MARK1: variants seen among roughly 807,000 people sequenced by gnomAD.
MARK1 encodes microtubule affinity regulating kinase 1.
Under a neutral mutation model 96.3 loss-of-function variants are expected in MARK1, and 40 were observed. That is an observed-to-expected ratio of 0.42 (90% CI 0.32 to 0.54). The LOEUF (loss-of-function observed/expected upper bound fraction) is 0.54, where lower values mean the gene tolerates loss of function less well. Among genes scored for constraint, MARK1 ranks in the 20% least tolerant of loss-of-function variants. The pLI is 0.16. For synonymous variants in MARK1, 317 were observed against 341.2 expected (o/e 0.93, Z 0.78); for missense variants, 719 against 984.6 (o/e 0.73, Z 3.61).
rs557310476 is a variant in MARK1 at position 220,626,020 on chromosome 1, G to A, written c.910-5015G>A. On this transcript the variant is annotated intron_variant, in intron 9 of 17. Coordinates refer to ENST00000366917, the MANE Select transcript of MARK1 (RefSeq NM_018650.5). ...CACAGCAAGCAGATGCAGATTCAAC[G>A]TCAGCAAGGACTGTCCAGTATTCAA... The A allele has an allele frequency of 2.7e-5, 15 of 552,100 alleles. 1 individual carries two copies. The highest frequency in any genetic ancestry group is 1.8e-4 in the South Asian group (12 of 66,058). The allele number at this position is 552,100 out of a possible 1,614,324, so 34.2% of individuals were successfully genotyped here.
At chr1:220,545,239 C>T (rs1327111041) in intron 1 of MARK1, among the ~76,000 whole-genome samples, 2 of 152,118 alleles carry the variant, frequency 1.3e-5, no homozygotes, top group Non-Finnish European at 2.9e-5. Context: ...CTGAAGAGGG[C>T]AGCATTTAGT....
At chr1:220,580,377 TTGAGG>T (rs1664152296) in intron 2 of MARK1, among the ~76,000 whole-genome samples, 1 of 151,842 alleles carries the variant, frequency 6.6e-6, no homozygotes, top group South Asian at 2.1e-4. Flanking sequence ...ACTTGGGAGC[TTGAGG>T]TGAGGATTAC....
chr1:220,622,359 G>A (rs931321294), intron 9 of MARK1, among the ~76,000 whole-genome samples: 1 of 151,958 alleles, frequency 6.6e-6, no homozygotes, highest in Admixed American at 6.6e-5. Context: ...TGTCGTCATT[G>A]GTCCTCCCAT....
intron 13 of MARK1, among the ~76,000 whole-genome samples, chr1:220,637,765 A>G (rs1668046028): frequency 6.6e-6 from 1 of 152,106 alleles, no homozygotes. Context: ...GAACAATGTA[A>G]GAACAAAGAA....
intron 17 of MARK1, among the ~76,000 whole-genome samples, 155 bp from the exon 18 acceptor site, chr1:220,661,657 A>T (rs1669488891): frequency 6.6e-6 from 1 of 152,216 alleles, no homozygotes; most frequent in Non-Finnish European, 1.5e-5. Context: ...TAACAGCAAG[A>T]TAACATAAAT....
At chr1:220,534,891 A>G (rs906620018) in intron 1 of MARK1, among the ~76,000 whole-genome samples, 4 of 152,048 alleles carry the variant, frequency 2.6e-5, no homozygotes, top group Admixed American at 1.3e-4. Flanking sequence ...ATTCCATTGT[A>G]TTATGTACCT....
At chr1:220,620,268 C>T (rs943127390) in intron 9 of MARK1, among the ~76,000 whole-genome samples, 17 of 152,080 alleles carry the variant, frequency 1.1e-4, no homozygotes, top group Non-Finnish European at 5.9e-5. Flanking sequence ...ATAATGCCCA[C>T]TTTTATATCA....
chr1:220,607,799 G>T (rs887381201), intron 6 of MARK1, among the ~76,000 whole-genome samples: 1 of 152,160 alleles, frequency 6.6e-6, no homozygotes, highest in East Asian at 1.9e-4. Flanking sequence ...GGCCTTTTCT[G>T]CATCTATTGA....
At chr1:220,560,489 C>T (rs1462070726) in intron 1 of MARK1, among the ~76,000 whole-genome samples, 1 of 152,154 alleles carries the variant, frequency 6.6e-6, no homozygotes, top group Non-Finnish European at 1.5e-5. Context: ...CTTTGGCATA[C>T]CTTAATTGCC....
chr1:220,572,806 C>A (rs1663565561), intron 1 of MARK1, among the ~76,000 whole-genome samples: 1 of 152,086 alleles, frequency 6.6e-6, no homozygotes, highest in South Asian at 2.1e-4. Context: ...TTGTTACTTT[C>A]ATTTCTTTAG....
intron 1 of MARK1, among the ~76,000 whole-genome samples, chr1:220,541,836 CA>C (rs1222880172): frequency 1.3e-5 from 2 of 152,170 alleles, no homozygotes; most frequent in African/African-American, 4.8e-5. Flanking sequence ...TTAATCCATT[CA>C]ACAATTCTGT....
intron 1 of MARK1, among the ~76,000 whole-genome samples, chr1:220,551,950 C>G (rs1661894154): frequency 6.6e-6 from 1 of 152,172 alleles, no homozygotes; most frequent in Non-Finnish European, 1.5e-5. Context: ...CATCAGAAGT[C>G]TTGCCTGCAC....
rs1040606372 is a variant in MARK1, at chr1:220,632,323, T to C, written c.1122+10T>C. The C allele has an allele frequency of 1.6e-6, 2 of 1,243,894 alleles. No homozygotes were observed. Among genetic ancestry groups the C allele is most frequent in the Non-Finnish European group, 2.3e-6 (2 of 883,194 alleles). 77.1% of individuals were successfully genotyped at this position (1,243,894 alleles called of 1,614,324 possible). A position where few individuals can be genotyped will look rare whatever the true frequency, so the allele number is the denominator to read the frequency against. ...TAGAAAACCACCTGAAGTAAGTTTT[T>C]CACCTTTTCAGATTACTGTGAATTA... On this transcript the variant is annotated intron_variant, in intron 11 of 17. Coordinates refer to ENST00000366917, the MANE Select transcript of MARK1 (RefSeq NM_018650.5).
intron 6 of MARK1, among the ~76,000 whole-genome samples, chr1:220,612,882 C>T (rs1399094993): frequency 6.6e-6 from 1 of 151,926 alleles, no homozygotes; most frequent in African/African-American, 2.4e-5. Context: ...AGCCATTGCC[C>T]ATACAATGCT....
At chr1:220,561,100 A>G (rs1471377568) in intron 1 of MARK1, among the ~76,000 whole-genome samples, 1 of 147,000 alleles carries the variant, frequency 6.8e-6, no homozygotes, top group Non-Finnish European at 1.5e-5. Flanking sequence ...ACCCTGACAT[A>G]TAACCTGAGT....
At chr1:220,639,599 A>G (rs1028654611) in intron 13 of MARK1, among the ~76,000 whole-genome samples, 61 of 152,164 alleles carry the variant, frequency 4.0e-4, no homozygotes, top group Admixed American at 2.4e-3. Context: ...GTCTGGGTCT[A>G]TGTGACTTCT....
chr1:220,649,611 T>G (rs973874313), intron 13 of MARK1, among the ~76,000 whole-genome samples: 6 of 152,196 alleles, frequency 3.9e-5, no homozygotes, highest in African/African-American at 1.4e-4. Flanking sequence ...AGCATATGCT[T>G]TTTATATAAC....
Position 220,650,626 on chromosome 1 carries a change from G to A in MARK1, c.1477G>A (p.Val493Met), listed in dbSNP as rs753043465. ...KKSSTIPSNNVYSGGSMARRN... is the reference protein window; with the variant it reads ...KKSSTIPSNNMYSGGSMARRN... Reference sequence around the variant, plus strand: ...CTTTTTTTTATTCTTGAAGAACAATGTGTATTCTGGAGGTAGCATGGCAAG... The same window carrying A: ...CTTTTTTTTATTCTTGAAGAACAATATGTATTCTGGAGGTAGCATGGCAAG... The change falls in exon 14 of 18, where the codon GTG becomes ATG. Residue 493 changes from valine (V) to methionine (M), a missense_variant. Physicochemically the swap from Val to Met is conservative, Grantham distance 21. Transcript: ENST00000366917. 5.7e-6 allele frequency: 9 copies of A among 1,588,972 alleles called. No individual in the cohort carries two copies. The highest frequency in any genetic ancestry group is 1.1e-5 in the South Asian group (1 of 89,550).
chr1:220,616,578 T>C (rs933973591), intron 7 of MARK1, among the ~76,000 whole-genome samples: 4 of 152,208 alleles, frequency 2.6e-5, no homozygotes, highest in African/African-American at 9.7e-5. Context: ...ATTTGCATTG[T>C]CCCTTACATA....
Sources: allele counts gnomAD v4.1 joint callset (sites outside exome capture counted in the v4.1 genomes callset), GRCh38; gene constraint gnomAD v4.1.1; transcripts MANE v1.5; gene names NCBI Gene and HGNC (gene_info 2026-07-23, HGNC 2026-07-21).